The following TRPT1 variants were observed in gnomAD, a reference collection of about 807,000 sequenced individuals.
TRPT1 encodes tRNA 2'-phosphotransferase 1.
TRPT1 carries 22 observed loss-of-function variants against 28.4 expected under a neutral mutation model. That is an observed-to-expected ratio of 0.78 (90% confidence interval 0.55 to 1.11). TRPT1 has a LOEUF of 1.11. Ranked by LOEUF, TRPT1 falls within the 50% of genes least tolerant of loss-of-function variation. The probability of loss-of-function intolerance (pLI) is 0.00; values close to 1 mark genes in which losing one functional copy is unlikely to be tolerated. For missense variants in TRPT1, 308 were observed against 317.7 expected, an observed-to-expected ratio of 0.97 and a Z score of 0.23; for synonymous variants, 137 against 132.4, an observed-to-expected ratio of 1.03 and a Z score of -0.24.
intron 3 of TRPT1, 79 bp downstream of exon 3, chr11:64,225,420 G>T: frequency 8.1e-7 from 1 of 1,235,152 alleles, no homozygotes; most frequent in Non-Finnish European, 1.2e-6. Context: ...AGCGGTGGAG[G>T]CAGCCATCAG....
rs1159596683 is a variant in TRPT1, at chr11:64,225,873, TG to T, written c.-9-5del. 2 of 1,540,476 alleles carry T rather than the reference TG, an allele frequency of 1.3e-6. No individual in the cohort carries two copies. The highest frequency in any genetic ancestry group is 1.8e-6 in the Non-Finnish European group (2 of 1,136,744). On this transcript the variant is annotated splice_region_variant and splice_polypyrimidine_tract_variant and intron_variant, in intron 1 of 7. Coordinates refer to ENST00000317459, the MANE Select transcript of TRPT1 (RefSeq NM_001033678.4). Reference sequence around the variant, plus strand: ...CAGAGAAGTTCATGGTTAAGACCTGTGGGGGGCAGTGACGAGGGGGGACTGC... The same window carrying T: ...CAGAGAAGTTCATGGTTAAGACCTGTGGGGGCAGTGACGAGGGGGGACTGC...
intron 6 of TRPT1, 34 bp from the exon 7 acceptor site, chr11:64,224,244 TC>T (rs773944976): frequency 2.9e-5 from 46 of 1,613,566 alleles, no homozygotes; most frequent in Admixed American, 1.0e-4. Flanking sequence ...ACTCATGCCC[TC>T]CCCGAAGGCA....
chr11:64,225,158 C>T lies in TRPT1; in HGVS notation c.158-188G>A, dbSNP rs575787811. On this transcript the variant is annotated intron_variant, in intron 3 of 7. Transcript: ENST00000317459. The stretch of plus-strand genomic sequence containing the variant: ...ACTTACATAAAAAGAGGATCTGCCT[C>T]ACGGAGGGGCAGGGAGGTGAGTGCC... 52 of 682,496 alleles carry T rather than the reference C, an allele frequency of 7.6e-5. No homozygotes were observed. The South Asian group carries it at 9.2e-4, about 12-fold the overall frequency. 42.3% of individuals were successfully genotyped at this position (682,496 alleles called of 1,614,324 possible).
At chr11:64,224,468 AGTGTT>A (rs1946843046) in intron 5 of TRPT1, 70 bp downstream of exon 5, 1 of 1,586,776 alleles carries the variant, frequency 6.3e-7, no homozygotes. Context: ...GCCCCAGACA[AGTGTT>A]GTAACCTTTG....
Position 64,223,924 on chromosome 11 carries a change from C to T in TRPT1, c.714G>A (p.Gln238=). 6.2e-7 allele frequency: 1 copy of T among 1,613,996 alleles called. No individual in the cohort carries two copies. The highest frequency in any genetic ancestry group is 1.3e-5 in the African/African-American group (1 of 75,034). Residue 238 remains glutamine (Q), a synonymous_variant, in exon 8 of 8, where the codon CAG becomes CAA. Transcript: ENST00000317459. ...SLAGDEETEC[Q]SSPKHSSRER... is the part of the protein sequence containing the mutation. ...CTCTGGAGCTGTGCTTGGGGCTACT[C>T]TGACACTCTGTCTCTTCATCACCAG... is the stretch of plus-strand genomic sequence containing the variant.
At chr11:64,225,088 T>C (rs1946902881) in intron 3 of TRPT1, 118 bp from the exon 4 acceptor site, 3 of 1,154,260 alleles carry the variant, frequency 2.6e-6, no homozygotes, top group Non-Finnish European at 3.6e-6. Context: ...GCATCCTCTG[T>C]GGGACCTTTA....
rs1407526559 is a variant in TRPT1 at position 64,223,897 on chromosome 11, T to C, written c.741A>G (p.Glu247=). Residue 247 remains glutamate, a synonymous_variant, in exon 8 of 8, where the codon GAA becomes GAG. Coordinates refer to ENST00000317459, the MANE Select transcript of TRPT1 (RefSeq NM_001033678.4). ...CQSSPKHSSR[E]RRRIQQ ...TATTTTATTGTTGGATCCTCCTCCTTTCTCTGGAGCTGTGCTTGGGGCTAC... is the reference window on the plus strand; with the variant it reads ...TATTTTATTGTTGGATCCTCCTCCTCTCTCTGGAGCTGTGCTTGGGGCTAC... 3.1e-6 allele frequency: 5 copies of C among 1,608,822 alleles called. No individual in the cohort carries two copies. Among genetic ancestry groups the C allele is most frequent in the Non-Finnish European group, 4.2e-6 (5 of 1,177,530 alleles).
intron 1 of TRPT1, 86 bp from the exon 2 acceptor site, chr11:64,225,955 G>T: frequency 2.5e-6 from 2 of 797,128 alleles, no homozygotes; most frequent in Middle Eastern, 2.3e-4. Flanking sequence ...GCCTCAGGAA[G>T]TGAGCGCTGG....
intron 4 of TRPT1, 41 bp from the exon 5 acceptor site, chr11:64,224,758 G>C: frequency 6.2e-7 from 1 of 1,607,200 alleles, no homozygotes; most frequent in Non-Finnish European, 8.5e-7. Flanking sequence ...TCGCAGGCAG[G>C]GGTCCCTCCC....
chr11:64,224,785 G>T lies in TRPT1; in HGVS notation c.327+16C>A, dbSNP rs1435485905. ...GTCCCTCCCATCTCGTCTCGCACTT[G>T]TCCCCTCACCCCGACCTGCAGGGAA... On this transcript the variant is annotated intron_variant, in intron 4 of 7. Coordinates refer to ENST00000317459, the MANE Select transcript of TRPT1 (RefSeq NM_001033678.4). The T allele has an allele frequency of 6.2e-7, 1 of 1,612,902 alleles. No homozygotes were observed. Among genetic ancestry groups the T allele is most frequent in the African/African-American group, 1.3e-5 (1 of 74,926 alleles).
chr11:64,225,256 G>T lies in TRPT1; in HGVS notation c.157+243C>A, dbSNP rs1946919742. 15 of 608,552 alleles carry T rather than the reference G, an allele frequency of 2.5e-5. No homozygotes were observed. In the South Asian group the frequency reaches 3.0e-4, roughly 12 times the overall value. 37.7% of individuals were successfully genotyped at this position (608,552 alleles called of 1,614,324 possible). A position where few individuals can be genotyped will look rare whatever the true frequency, so the allele number is the denominator to read the frequency against. On this transcript the variant is annotated intron_variant, in intron 3 of 7. Coordinates refer to ENST00000317459, the MANE Select transcript of TRPT1 (RefSeq NM_001033678.4). ...GTATCCTCCAGGGCTCGCCCTCGGG[G>T]TAAGTGCTGATCTGGCTGCTTGGCT...
chr11:64,224,282 C>T lies in TRPT1; in HGVS notation c.559+3G>A. Reference sequence around the variant, plus strand: ...GGGCAGCTCCTGCTTTGTCCAGACTCACCTGCCAGAGCCAGGGGTCCATCG... The same window carrying T: ...GGGCAGCTCCTGCTTTGTCCAGACTTACCTGCCAGAGCCAGGGGTCCATCG... On this transcript the variant is annotated splice_donor_region_variant and intron_variant, in intron 6 of 7. Coordinates refer to ENST00000317459, the MANE Select transcript of TRPT1 (RefSeq NM_001033678.4). 1 of 1,613,902 alleles carries T rather than the reference C, an allele frequency of 6.2e-7. No homozygotes were observed. Among genetic ancestry groups the T allele is most frequent in the Non-Finnish European group, 8.5e-7 (1 of 1,180,034 alleles).
chr11:64,226,250 G>GCACT (rs534533623), upstream of TRPT1: 305 of 467,890 alleles, frequency 6.5e-4, 2 homozygotes, highest in African/African-American at 5.8e-3. Flanking sequence ...AAGGGGGCGG[G>GCACT]CACTTCCGCT....
Position 64,224,974 on chromosome 11 carries a change from T to C in TRPT1, c.158-4A>G, listed in dbSNP as rs1946891486. The stretch of plus-strand genomic sequence containing the variant: ...GTGCCCAGGGGCACGAAGCCATCTG[T>C]GGGCAGGCAGGGTGCTCAGGAGCTA... On this transcript the variant is annotated splice_polypyrimidine_tract_variant and splice_region_variant and intron_variant, in intron 3 of 7. Coordinates refer to ENST00000317459, the MANE Select transcript of TRPT1 (RefSeq NM_001033678.4). The C allele has an allele frequency of 6.4e-7, 1 of 1,553,692 alleles. No individual in the cohort carries two copies. The highest frequency in any genetic ancestry group is 1.2e-5 in the South Asian group (1 of 84,746).
intron 2 of TRPT1, 96 bp from the exon 3 acceptor site, chr11:64,225,676 GAGAA>G: frequency 7.1e-7 from 1 of 1,414,786 alleles, no homozygotes; most frequent in Non-Finnish European, 9.7e-7. Context: ...AGAGCCCAGA[GAGAA>G]AGGAGTGCCA....
chr11:64,225,691 G>T, intron 2 of TRPT1, 95 bp downstream of exon 2: 1 of 1,380,020 alleles, frequency 7.2e-7, no homozygotes. Context: ...AGGAGTGCCA[G>T]TGGTCTCCAG....
rs149081883 is a variant in TRPT1, at chr11:64,224,653, C to T, written c.392G>A (p.Gly131Asp). The T allele has an allele frequency of 1.4e-5, 23 of 1,607,870 alleles. No homozygotes were observed. The highest frequency in any genetic ancestry group is 1.2e-4 in the African/African-American group (9 of 74,852). Residue 131 changes from glycine (G) to aspartate (D), a missense_variant, in exon 5 of 8, where the codon GGT becomes GAT. Transcript: ENST00000317459. ...GGATGGCCAGTGCTTCCAGAATGTA[C>T]CATGGACTAGCATCGGGGGCAGGGC... ...PQALPPMLVHGTFWKHWPSIL... is the reference protein window; with the variant it reads ...PQALPPMLVHDTFWKHWPSIL...
Position 64,224,155 on chromosome 11 carries a change from A to C in TRPT1, c.615T>G (p.Thr205=). The change falls in exon 7 of 8, where the codon ACT becomes ACG. Residue 205 remains threonine (T), a synonymous_variant. Coordinates refer to ENST00000317459, the MANE Select transcript of TRPT1 (RefSeq NM_001033678.4). ...ANGVILTPGN[T]DGFLLPKYFK... is the part of the protein sequence containing the mutation. ...AGTACTTGGGAAGGAGGAAGCCATCAGTATTCCCTGGAGTCAGAATCACCC... is the reference window on the plus strand; with the variant it reads ...AGTACTTGGGAAGGAGGAAGCCATCCGTATTCCCTGGAGTCAGAATCACCC... The C allele has an allele frequency of 6.2e-7, 1 of 1,607,156 alleles. No individual in the cohort carries two copies. Among genetic ancestry groups the C allele is most frequent in the Non-Finnish European group, 8.5e-7 (1 of 1,175,366 alleles).
At position 64,224,927 on chromosome 11, in the gene TRPT1, G is replaced by A. The variant is rs1351122721; in HGVS notation, c.201C>T (p.Phe67=). 1.3e-6 allele frequency: 2 copies of A among 1,581,086 alleles called. No individual in the cohort carries two copies. The highest frequency in any genetic ancestry group is 1.7e-6 in the Non-Finnish European group (2 of 1,163,764). The change falls in exon 4 of 8, where the codon TTC becomes TTT. Residue 67 remains phenylalanine, a synonymous_variant. Coordinates refer to ENST00000317459, the MANE Select transcript of TRPT1 (RefSeq NM_001033678.4). ...PLGTLLQLPQ[F]RGFSAEDVQR... is the part of the protein sequence containing the mutation. ...GCACATCTTCAGCAGAGAAGCCGCG[G>A]AACTGGGGCAACTGCAGGAGGGTGC...
Sources: allele counts gnomAD v4.1 joint callset, GRCh38; gene constraint gnomAD v4.1.1; transcripts MANE v1.5; gene names NCBI Gene and HGNC (gene_info 2026-07-23, HGNC 2026-07-21).